The following MYRIP variants were observed in gnomAD, a reference collection of about 807,000 sequenced individuals.
MYRIP encodes the protein rab effector MyRIP.
A neutral mutation model predicts 98.0 loss-of-function variants in MYRIP; 49 were observed. That is an observed-to-expected ratio of 0.50 (90% confidence interval 0.40 to 0.63). The LOEUF is 0.63. Ranked by LOEUF, MYRIP falls within the 30% of genes least tolerant of loss-of-function variation. The probability of loss-of-function intolerance (pLI) is 0.00; values close to 1 mark genes in which losing one functional copy is unlikely to be tolerated. For synonymous variants in MYRIP, 404 were observed against 409.5 expected (o/e 0.99, Z 0.16); for missense variants, 1,004 against 1,058.2 (o/e 0.95, Z 0.71).
intron 1 of MYRIP, among the ~76,000 whole-genome samples, chr3:39,871,787 G>T (rs1369517468): frequency 2.0e-5 from 3 of 151,996 alleles, no homozygotes; most frequent in Non-Finnish European, 4.4e-5. Context: ...TAGAAATTAT[G>T]TCTGAATTAT....
At chr3:40,092,244 T>G (rs937555298) in intron 3 of MYRIP, among the ~76,000 whole-genome samples, 3 of 152,108 alleles carry the variant, frequency 2.0e-5, no homozygotes, top group African/African-American at 7.2e-5. Context: ...TGCCTAGAGT[T>G]TTTGCTGCTT....
Position 40,258,122 on chromosome 3 carries a change from G to A in MYRIP, c.2548-12G>A. ...AGTGGCTGATGGGAGTGTGTTCAAT[G>A]TCTCACCTCAGGAGCCTGCTCTGGA... On this transcript the variant is annotated splice_polypyrimidine_tract_variant and intron_variant, in intron 16 of 16. Transcript: ENST00000302541. The A allele has an allele frequency of 3.1e-6, 5 of 1,614,196 alleles. No homozygotes were observed. The highest frequency in any genetic ancestry group is 1.3e-5 in the African/African-American group (1 of 75,068).
At chr3:39,974,106 C>A (rs921040416) in intron 2 of MYRIP, among the ~76,000 whole-genome samples, 9 of 152,058 alleles carry the variant, frequency 5.9e-5, no homozygotes, top group African/African-American at 1.9e-4. Context: ...ATCAATGAAT[C>A]CAGGAGCTTG....
At chr3:39,956,320 C>A (rs575259540) in intron 2 of MYRIP, among the ~76,000 whole-genome samples, 9 of 152,286 alleles carry the variant, frequency 5.9e-5, no homozygotes, top group Middle Eastern at 3.4e-3. Flanking sequence ...GAAATGATAA[C>A]AAACTGTGTC....
At chr3:40,093,837 C>G (rs1948774257) in intron 3 of MYRIP, among the ~76,000 whole-genome samples, 1 of 152,236 alleles carries the variant, frequency 6.6e-6, no homozygotes, top group Non-Finnish European at 1.5e-5. Flanking sequence ...AGGCAATCAT[C>G]TATGCTTTCC....
chr3:40,228,167 C>T (rs1952542539), intron 11 of MYRIP, among the ~76,000 whole-genome samples: 1 of 152,186 alleles, frequency 6.6e-6, no homozygotes, highest in Non-Finnish European at 1.5e-5. Context: ...CCCTGAGGGA[C>T]AGGCCTCACC....
chr3:40,233,732 T>C lies in MYRIP; in HGVS notation c.1906-127T>C, dbSNP rs184162994. 4.7e-4 allele frequency: 395 copies of C among 849,178 alleles called. 2 individuals are homozygous for C. In the African/African-American group the frequency reaches 6.3e-3, roughly 13 times the overall value. The allele number at this position is 849,178 out of a possible 1,614,324, so 52.6% of individuals were successfully genotyped here. ...TTAATTTTCTCATTCTTCAGCACAT[T>C]GGTGTTTGTGTGTGGAATTACAGAA... is the stretch of plus-strand genomic sequence containing the variant. On this transcript the variant is annotated intron_variant, in intron 11 of 16. Transcript: ENST00000302541.
At chr3:40,104,719 A>G (rs1056952529) in intron 3 of MYRIP, among the ~76,000 whole-genome samples, 6 of 152,226 alleles carry the variant, frequency 3.9e-5, no homozygotes, top group Non-Finnish European at 8.8e-5. Flanking sequence ...CTAAACATAC[A>G]TAATTCTGTC....
chr3:39,949,961 A>G (rs1944973184), intron 2 of MYRIP, among the ~76,000 whole-genome samples: 1 of 152,220 alleles, frequency 6.6e-6, no homozygotes, highest in East Asian at 1.9e-4. Flanking sequence ...TCTGTTATCT[A>G]GCATTATACC....
At position 40,093,897 on chromosome 3, in the gene MYRIP, C is replaced by T. The variant is rs1206953943; in HGVS notation, c.332+49626C>T. On this transcript the variant is annotated intron_variant, in intron 3 of 16. Coordinates refer to ENST00000302541, the MANE Select transcript of MYRIP (RefSeq NM_015460.4). ...CTCCATAACATCCAATGAAGGCCTG[C>T]AGGGTTGGCCCACCAGCTTTTCCAC... 2.0e-5 allele frequency among the ~76,000 whole-genome samples: 3 copies of T among 152,328 alleles called. No homozygotes were observed. In the East Asian group the frequency reaches 5.8e-4, roughly 29 times the overall value.
intron 3 of MYRIP, among the ~76,000 whole-genome samples, chr3:40,075,299 T>C (rs529450781): frequency 2.6e-4 from 40 of 152,322 alleles, no homozygotes; most frequent in African/African-American, 9.4e-4. Flanking sequence ...AGTACAGTAG[T>C]ACTTATTAAA....
At chr3:39,888,277 TATACTACAA>T (rs1418736440) in intron 1 of MYRIP, among the ~76,000 whole-genome samples, 1 of 152,082 alleles carries the variant, frequency 6.6e-6, no homozygotes. Flanking sequence ...GATTTCAAAC[TATACTACAA>T]GGCTACAGTA....
At chr3:40,046,123 A>T (rs572922242) in intron 3 of MYRIP, among the ~76,000 whole-genome samples, 1 of 152,260 alleles carries the variant, frequency 6.6e-6, no homozygotes, top group Admixed American at 6.5e-5. Context: ...AAAAATCAGG[A>T]TAGTGGCCAC....
chr3:39,915,748 A>C (rs1944141088), intron 2 of MYRIP, among the ~76,000 whole-genome samples: 1 of 125,882 alleles, frequency 7.9e-6, no homozygotes. Context: ...TAGATAGGTC[A>C]ATGCCAGGCC....
chr3:40,248,361 C>T (rs891684778), intron 13 of MYRIP: 1 of 152,222 alleles, frequency 6.6e-6, no homozygotes. Flanking sequence ...CTTCTGAGTA[C>T]TTGGTCTTCG....
chr3:39,900,628 T>A (rs6805051), intron 1 of MYRIP, among the ~76,000 whole-genome samples, 159 bp from the exon 2 acceptor site: 2,773 of 152,248 alleles, frequency 0.018, 84 homozygotes, highest in African/African-American at 0.063. Flanking sequence ...CTTGGTGAGG[T>A]CATTTGTAAA....
chr3:39,942,219 G>A (rs1267139571), intron 2 of MYRIP, among the ~76,000 whole-genome samples: 1 of 152,136 alleles, frequency 6.6e-6, no homozygotes, highest in Non-Finnish European at 1.5e-5. Flanking sequence ...CAGAATAACA[G>A]AACAGGGCCA....
At chr3:39,822,050 C>T (rs754771894) in intron 1 of MYRIP, among the ~76,000 whole-genome samples, 1 of 151,868 alleles carries the variant, frequency 6.6e-6, no homozygotes, top group South Asian at 2.1e-4. Flanking sequence ...TTGTGCTTTC[C>T]TTTTGTTTTG....
chr3:40,234,142 A>G, intron 12 of MYRIP, 89 bp downstream of exon 12: 1 of 1,163,884 alleles, frequency 8.6e-7, no homozygotes, highest in Non-Finnish European at 1.2e-6. Context: ...GAGTGCAAGG[A>G]CACACACATA....
Sources: allele counts gnomAD v4.1 joint callset (sites outside exome capture counted in the v4.1 genomes callset), GRCh38; gene constraint gnomAD v4.1.1; transcripts MANE v1.5; gene names NCBI Gene and HGNC (gene_info 2026-07-23, HGNC 2026-07-21).